ARAP2: variants seen among roughly 807,000 people sequenced by gnomAD.
ARAP2 encodes the protein arf-GAP with Rho-GAP domain, ANK repeat and PH domain-containing protein 2.
Under a neutral mutation model 194.5 loss-of-function variants are expected in ARAP2, and 148 were observed. That is an observed-to-expected ratio of 0.76 (90% CI 0.67 to 0.87). The LOEUF (loss-of-function observed/expected upper bound fraction) is 0.87. Among genes scored for constraint, ARAP2 ranks in the 40% least tolerant of loss-of-function variants. The probability of loss-of-function intolerance (pLI) is 0.00; values close to 1 mark genes in which losing one functional copy is unlikely to be tolerated. For missense variants in ARAP2, 2,128 were observed against 1,989.7 expected, an observed-to-expected ratio of 1.07 and a Z score of -1.32; for synonymous variants, 695 against 683.5, an observed-to-expected ratio of 1.02 and a Z score of -0.26.
rs981168455 is a variant in ARAP2 at position 36,066,513 on chromosome 4, T to A, written c.*1394A>T. ...CTACCACCACATCACTGTACTATGA[T>A]TGGACTGACTGAAGTATGGGCCTGT... On this transcript the variant is annotated 3_prime_UTR_variant, in exon 33 of 33. Coordinates refer to ENST00000303965, the MANE Select transcript of ARAP2 (RefSeq NM_015230.4). 2 of 151,980 alleles carry A rather than the reference T, an allele frequency of 1.3e-5. No individual in the cohort carries two copies. Among genetic ancestry groups the A allele is most frequent in the Non-Finnish European group, 2.9e-5 (2 of 67,996 alleles). The allele number at this position is 151,980 out of a possible 1,614,324, so 9.4% of individuals were successfully genotyped here.
rs776108302 is a variant in ARAP2, at chr4:36,167,029, C to G, written c.1876G>C (p.Gly626Arg). 6.4e-7 allele frequency: 1 copy of G among 1,571,460 alleles called. No individual in the cohort carries two copies. Among genetic ancestry groups the G allele is most frequent in the Non-Finnish European group, 8.6e-7 (1 of 1,160,038 alleles). The change falls in exon 10 of 33, where the codon GGT becomes CGT. Residue 626 changes from glycine to arginine, a missense_variant. Physicochemically the swap from Gly to Arg is moderately radical, Grantham distance 125. Coordinates refer to ENST00000303965, the MANE Select transcript of ARAP2 (RefSeq NM_015230.4). ...ACATTCATAGGAATTATGGTAATACCAAGTCCACTCTTAAAATCCTAGTTT... is the reference window on the plus strand; with the variant it reads ...ACATTCATAGGAATTATGGTAATACGAAGTCCACTCTTAAAATCCTAGTTT... ...KNEQDFKSGL[G>R]ITIIPMNVAN...
In ARAP2 at chr4:36,217,680, T is replaced by C. The variant is rs565977735; in HGVS notation, c.906-3200A>G. 3.2e-4 allele frequency among the ~76,000 whole-genome samples: 49 copies of C among 151,688 alleles called. 1 individual carries two copies. The South Asian group carries it at 9.8e-3, about 30-fold the overall frequency. On this transcript the variant is annotated intron_variant, in intron 2 of 32. Coordinates refer to ENST00000303965, the MANE Select transcript of ARAP2 (RefSeq NM_015230.4). ...ATGGTGCCAAATAGTATAAGGGCAT[T>C]AAAAAACTACCAAAACCTAGAATTA...
chr4:36,124,746 A>G (rs780421948), intron 22 of ARAP2, 116 bp downstream of exon 22: 17 of 570,122 alleles, frequency 3.0e-5, no homozygotes, highest in Non-Finnish European at 5.2e-5. Flanking sequence ...TAATTACAGA[A>G]AGAGAGACTA....
chr4:36,162,140 AT>A (rs1734238189), intron 11 of ARAP2, among the ~76,000 whole-genome samples: 1 of 4,194 alleles, frequency 2.4e-4, no homozygotes. Flanking sequence ...ACTTACTTAA[AT>A]ATATATATAT....
At chr4:36,173,193 G>A (rs1737041683) in intron 9 of ARAP2, among the ~76,000 whole-genome samples, 1 of 152,006 alleles carries the variant, frequency 6.6e-6, no homozygotes, top group African/African-American at 2.4e-5. Flanking sequence ...AAGAGAAGAA[G>A]GGAGACGGGC....
At chr4:36,183,671 G>C (rs995480508) in intron 8 of ARAP2, among the ~76,000 whole-genome samples, 4 of 152,198 alleles carry the variant, frequency 2.6e-5, no homozygotes. Context: ...AGAACAACAG[G>C]AGTCAGACTT....
At chr4:36,135,911 A>G (rs1398241153) in intron 19 of ARAP2, among the ~76,000 whole-genome samples, 1 of 151,792 alleles carries the variant, frequency 6.6e-6, no homozygotes, top group Non-Finnish European at 1.5e-5. Context: ...CTACAATATG[A>G]GTATAATTCT....
chr4:36,125,856 C>T (rs1180857858), intron 21 of ARAP2, among the ~76,000 whole-genome samples: 1 of 152,000 alleles, frequency 6.6e-6, no homozygotes, highest in Non-Finnish European at 1.5e-5. Flanking sequence ...CCTCTCAATT[C>T]GCAACTATCT....
chr4:36,094,768 T>A (rs889893009), intron 27 of ARAP2, among the ~76,000 whole-genome samples: 1 of 152,128 alleles, frequency 6.6e-6, no homozygotes, highest in Non-Finnish European at 1.5e-5. Flanking sequence ...GCCCTTTCCA[T>A]GAATGCCTCA....
intron 5 of ARAP2, among the ~76,000 whole-genome samples, chr4:36,022,882 C>T (rs1307143581): frequency 2.6e-5 from 4 of 152,066 alleles, no homozygotes; most frequent in African/African-American, 7.2e-5. Context: ...TGTGAGTTCC[C>T]TATACTATTG....
rs772396032 is a variant in ARAP2 at position 36,133,261 on chromosome 4, A to G, written c.3392T>C (p.Ile1131Thr). ...QQLSKNDVPI[I>T]VNSCIAFVTQ... is the part of the protein sequence containing the mutation. ...AACAAATGCTATACAGCTGTTCACT[A>G]TAATGGGAACGTCATTTTTGCTGAG... is the stretch of plus-strand genomic sequence containing the variant. The change falls in exon 20 of 33, where the codon ATA becomes ACA. Residue 1131 changes from isoleucine (I) to threonine (T), a missense_variant. Coordinates refer to ENST00000303965, the MANE Select transcript of ARAP2 (RefSeq NM_015230.4). The G allele has an allele frequency of 7.4e-6, 12 of 1,610,978 alleles. No individual in the cohort carries two copies. The highest frequency in any genetic ancestry group is 1.0e-5 in the Non-Finnish European group (12 of 1,178,128).
At chr4:36,227,969 G>A (rs890096964) in intron 2 of ARAP2, among the ~76,000 whole-genome samples, 1 of 152,070 alleles carries the variant, frequency 6.6e-6, no homozygotes, top group Non-Finnish European at 1.5e-5. Flanking sequence ...TACACTGGTA[G>A]AGCCCCTCTT....
At chr4:36,163,956 T>C (rs561969453) in intron 11 of ARAP2, among the ~76,000 whole-genome samples, 8 of 152,308 alleles carry the variant, frequency 5.3e-5, no homozygotes, top group South Asian at 2.1e-4. Flanking sequence ...TGAATAGTGC[T>C]CTAGAAAAGC....
At chr4:36,065,336 G>A, downstream of ARAP2, 1 of 510,674 alleles carries the variant, frequency 2.0e-6, no homozygotes, top group Non-Finnish European at 4.0e-6. Context: ...AGAGCTGGCT[G>A]TAGTGGATCT....
At chr4:36,214,952 T>C (rs530810301) in intron 2 of ARAP2, among the ~76,000 whole-genome samples, 4 of 152,120 alleles carry the variant, frequency 2.6e-5, no homozygotes, top group Admixed American at 1.3e-4. Flanking sequence ...AGACACAATA[T>C]GAAAATACAC....
chr4:36,019,542 G>A (rs77894417), intron 5 of ARAP2, among the ~76,000 whole-genome samples: 7,689 of 146,490 alleles, frequency 0.052, 780 homozygotes, highest in African/African-American at 0.12. Context: ...ATCTTATACT[G>A]TAGATGTGTC....
Position 36,068,012 on chromosome 4 carries a change from G to A in ARAP2, c.5010C>T (p.Asp1670=), listed in dbSNP as rs1462289711. 3 of 1,614,170 alleles carry A rather than the reference G, an allele frequency of 1.9e-6. No individual in the cohort carries two copies. Among genetic ancestry groups the A allele is most frequent in the Non-Finnish European group, 2.5e-6 (3 of 1,179,996 alleles). ...CCCTTGATGGTAACTTATGATCAGA[G>A]TCCAAAGTAGCTTTGCTATTCCTGT... ...TEDRNSKATL[D]SDHKLPSRVI... The change falls in exon 33 of 33, where the codon GAC becomes GAT. Residue 1670 remains aspartate (D), a synonymous_variant. Coordinates refer to ENST00000303965, the MANE Select transcript of ARAP2 (RefSeq NM_015230.4).
downstream of ARAP2, chr4:36,065,760 G>C (rs1050109579): frequency 6.5e-6 from 1 of 152,986 alleles, no homozygotes; most frequent in Non-Finnish European, 1.5e-5. Flanking sequence ...ATCTTGTAGG[G>C]ATGTGGCTGG....
intron 19 of ARAP2, among the ~76,000 whole-genome samples, chr4:36,140,362 T>C (rs1460430851): frequency 6.6e-6 from 1 of 151,914 alleles, no homozygotes; most frequent in East Asian, 1.9e-4. Flanking sequence ...TCTTCATAAT[T>C]TTCTTTAACA....
Sources: gnomAD v4.1 joint callset for allele counts (sites outside exome capture counted in the v4.1 genomes callset) on GRCh38, gnomAD v4.1.1 for gene constraint, MANE v1.5 for transcripts, NCBI Gene and HGNC (gene_info 2026-07-23, HGNC 2026-07-21) for gene names.